The following LSS variants were observed in gnomAD, a reference collection of about 807,000 sequenced individuals.
LSS encodes 2,3-epoxysqualene-lanosterol cyclase.
In LSS, 90 loss-of-function variants were observed where a neutral mutation model predicts 110.3. That is an observed-to-expected ratio of 0.82 (90% confidence interval 0.69 to 0.97). LSS has a LOEUF of 0.97. Among genes scored for constraint, LSS ranks in the 50% least tolerant of loss-of-function variants. LSS has a pLI of 0.00. For missense variants in LSS, 927 were observed against 990.0 expected (o/e 0.94, Z 0.85); for synonymous variants, 433 against 400.0 (o/e 1.08, Z -0.98).
chr21:46,225,456 C>T (rs1196493688), intron 3 of LSS: 1 of 449,644 alleles, frequency 2.2e-6, no homozygotes, highest in African/African-American at 2.1e-5. Flanking sequence ...AAGGGAATCT[C>T]CCTTTCCCCG....
intron 21 of LSS, 97 bp from the exon 22 acceptor site, chr21:46,191,332 G>A: frequency 7.2e-7 from 1 of 1,395,314 alleles, no homozygotes; most frequent in Non-Finnish European, 1.0e-6. Context: ...GCTGGCTTGT[G>A]GGTGAGTCAG....
At chr21:46,222,859 C>G in intron 3 of LSS, 121 bp from the exon 4 acceptor site, 1 of 725,102 alleles carries the variant, frequency 1.4e-6, no homozygotes, top group South Asian at 1.7e-5. Context: ...TAAAAACACC[C>G]CCTGGAAAGG....
rs534702384 is a variant in LSS, at chr21:46,211,783, T to C, written c.1138-1039A>G. Among the ~76,000 whole-genome samples the C allele has an allele frequency of 3.1e-4, 47 of 152,116 alleles. 1 individual carries two copies. The highest frequency in any genetic ancestry group is 2.9e-3 in the Admixed American group (44 of 15,296). On this transcript the variant is annotated intron_variant, in intron 11 of 21. Coordinates refer to ENST00000397728, the MANE Select transcript of LSS (RefSeq NM_002340.6). ...AAGAAGCAACCAGTCAGATCTGCAA[T>C]GTGAAGCCCTTCAGGAACAAACCTT...
rs1446474956 is a variant in LSS at position 46,190,085 on chromosome 21, T to G, written c.*1019A>C. ...ACTGGCGGCAGCCGTAGGGGTGCCC[T>G]GGGTATATGCCGGGCTCCCAGGGTG... On this transcript the variant is annotated 3_prime_UTR_variant, in exon 22 of 22. Transcript: ENST00000397728. This position sits in a 1 kb window ranked among gnomAD's most constrained non-coding sequence, Gnocchi z 4.6. The G allele has an allele frequency of 4.0e-6, 1 of 252,738 alleles. No homozygotes were observed. Among genetic ancestry groups the G allele is most frequent in the East Asian group, 1.4e-4 (1 of 7,236 alleles). The allele number at this position is 252,738 out of a possible 1,614,324, so 15.7% of individuals were successfully genotyped here. A position where few individuals can be genotyped will look rare whatever the true frequency, so the allele number is the denominator to read the frequency against.
chr21:46,197,647 T>C (rs1196677428), intron 17 of LSS, among the ~76,000 whole-genome samples: 1 of 152,194 alleles, frequency 6.6e-6, no homozygotes, highest in Admixed American at 6.5e-5. Context: ...CCCAGCACTT[T>C]GGGAGATCGA....
chr21:46,195,212 C>T (rs1333928882), intron 19 of LSS, among the ~76,000 whole-genome samples: 1 of 152,224 alleles, frequency 6.6e-6, no homozygotes, highest in East Asian at 1.9e-4. Flanking sequence ...GCATACATGT[C>T]AGGAAGCTCC....
intron 13 of LSS, among the ~76,000 whole-genome samples, chr21:46,208,979 AGGCCGT>A (rs2080091289): frequency 6.6e-6 from 1 of 152,186 alleles, no homozygotes; most frequent in Non-Finnish European, 1.5e-5. Context: ...ACACTGGCTG[AGGCCGT>A]GGCCGGGACA....
At position 46,217,675 on chromosome 21, in the gene LSS, C is replaced by T. The variant is rs150245142; in HGVS notation, c.648-1151G>A. On this transcript the variant is annotated intron_variant, in intron 6 of 21. Coordinates refer to ENST00000397728, the MANE Select transcript of LSS (RefSeq NM_002340.6). Reference sequence around the variant, plus strand: ...CCAGCAAAGACAAGCAGCACCCTGGCGTGCCCATGCGGCAGCACTGACCGA... The same window carrying T: ...CCAGCAAAGACAAGCAGCACCCTGGTGTGCCCATGCGGCAGCACTGACCGA... Among the ~76,000 whole-genome samples the T allele has an allele frequency of 6.8e-4, 103 of 152,336 alleles. 1 individual carries two copies. The East Asian group carries it at 0.011, about 16-fold the overall frequency.
At chr21:46,199,811 G>A (rs1193390405) in intron 17 of LSS, among the ~76,000 whole-genome samples, 1 of 152,198 alleles carries the variant, frequency 6.6e-6, no homozygotes, top group East Asian at 1.9e-4. Flanking sequence ...CTGGAGGCGG[G>A]GACAGCGCAG....
chr21:46,228,664 C>A (rs1194442755), intron 1 of LSS, 65 bp from the exon 2 acceptor site: 2 of 1,598,942 alleles, frequency 1.3e-6, no homozygotes, highest in Non-Finnish European at 1.7e-6. Flanking sequence ...CCCACTGCCC[C>A]AGTCGCGCTC....
intron 11 of LSS, among the ~76,000 whole-genome samples, chr21:46,212,422 C>G (rs377584218): frequency 6.6e-6 from 1 of 152,238 alleles, no homozygotes; most frequent in East Asian, 1.9e-4. Context: ...GCTTCTGACA[C>G]GCACAGAGGG....
At chr21:46,226,603 T>C (rs541583850) in intron 3 of LSS, among the ~76,000 whole-genome samples, 2 of 152,346 alleles carry the variant, frequency 1.3e-5, no homozygotes, top group African/African-American at 2.4e-5. Context: ...TTCTAATGTA[T>C]CTCATTAGGC....
rs1284777983 is a variant in LSS, at chr21:46,228,591, C to T, written c.23G>A (p.Arg8Gln). The change falls in exon 2 of 22, where the codon CGG (arginine) becomes CAG (glutamine). Residue 8 changes from arginine (R) to glutamine (Q), a missense_variant. Coordinates refer to ENST00000397728, the MANE Select transcript of LSS (RefSeq NM_002340.6). The stretch of plus-strand genomic sequence containing the variant: ...GGTCTTGTAGGGGCCCCCTCGGCGC[C>T]GCAGACACCTGAGGACCACCGGCCA... The part of the protein sequence containing the change: MTEGTCL[R>Q]RRGGPYKTEP... 2 of 1,591,694 alleles carry T rather than the reference C, an allele frequency of 1.3e-6. No individual in the cohort carries two copies. The highest frequency in any genetic ancestry group is 2.2e-5 in the South Asian group (2 of 90,086).
intron 5 of LSS, among the ~76,000 whole-genome samples, chr21:46,221,408 G>C (rs1310400849): frequency 6.6e-6 from 1 of 152,158 alleles, no homozygotes; most frequent in African/African-American, 2.4e-5. Flanking sequence ...CCAGGCTAGA[G>C]TGCGGTAGTA....
intron 19 of LSS, 46 bp from the exon 20 acceptor site, chr21:46,194,707 C>G: frequency 6.4e-7 from 1 of 1,573,314 alleles, no homozygotes; most frequent in Non-Finnish European, 8.6e-7. Context: ...AAGGAAGGTC[C>G]CAGACCCCTG....
rs375189294 is a variant in LSS at position 46,212,517 on chromosome 21, G to A, written c.1137+508C>T. Among the ~76,000 whole-genome samples, 42 of 152,306 alleles carry A rather than the reference G, an allele frequency of 2.8e-4. No homozygotes were observed. In the South Asian group the frequency reaches 7.5e-3, roughly 27 times the overall value. On this transcript the variant is annotated intron_variant, in intron 11 of 21. Coordinates refer to ENST00000397728, the MANE Select transcript of LSS (RefSeq NM_002340.6). ...GGACCAGGGTCAGCCAGGATCCACC[G>A]GCCTCCCCTCTCCTTGTGCTTGGTG...
At chr21:46,227,357 C>T (rs1440474346) in intron 3 of LSS, 195 bp downstream of exon 3, 3 of 625,606 alleles carry the variant, frequency 4.8e-6, no homozygotes, top group South Asian at 2.2e-5. Context: ...AGCCTGTCAC[C>T]CTACACTGGC....
In LSS at chr21:46,227,593, T is replaced by C. The variant is rs1188365125; in HGVS notation, c.278A>G (p.His93Arg). ...TGGGCCACCATAATCACCCGTCCAG[T>C]GCCCATCCTCAGCCTGCAGCCCCAC... ...FYVGLQAEDG[H>R]WTGDYGGPLF... is the part of the protein sequence containing the mutation. The change falls in exon 3 of 22, where the codon CAC becomes CGC. Residue 93 changes from histidine to arginine, a missense_variant. Physicochemically the swap from His to Arg is conservative, Grantham distance 29. Transcript: ENST00000397728. 21 of 1,613,736 alleles carry C rather than the reference T, an allele frequency of 1.3e-5. No homozygotes were observed. The highest frequency in any genetic ancestry group is 1.6e-5 in the Non-Finnish European group (19 of 1,179,972).
At chr21:46,200,455 C>A (rs2079964987) in intron 17 of LSS, among the ~76,000 whole-genome samples, 1 of 152,038 alleles carries the variant, frequency 6.6e-6, no homozygotes, top group South Asian at 2.1e-4. Context: ...ATCAAGGGAT[C>A]AAAGTTGGTG....
Sources: gnomAD v4.1 joint callset for allele counts (sites outside exome capture counted in the v4.1 genomes callset) on GRCh38, gnomAD v4.1.1 for gene constraint, Gnocchi (gnomAD v3.1) non-coding constraint, MANE v1.5 for transcripts, NCBI Gene and HGNC (gene_info 2026-07-23, HGNC 2026-07-21) for gene names.